RARB: variants seen among roughly 807,000 people sequenced by gnomAD.
RARB encodes retinoic acid receptor beta, also known as HBV-activated protein.
In RARB, 17 loss-of-function variants were observed where a neutral mutation model predicts 51.9. The observed-to-expected ratio is 0.33, with a 90% CI of 0.22 to 0.49. The LOEUF (loss-of-function observed/expected upper bound fraction) is 0.49, where lower values mean the gene tolerates loss of function less well. RARB is among the 20% of genes least tolerant of loss of function. RARB has a pLI of 0.99. For synonymous variants in RARB, 215 were observed against 195.4 expected (o/e 1.10, Z -0.84); for missense variants, 369 against 550.8 (o/e 0.67, Z 3.30).
chr3:25,090,711 G>C (rs1250417047), intron 3 of RARB, among the ~76,000 whole-genome samples: 1 of 152,016 alleles, frequency 6.6e-6, no homozygotes, highest in African/African-American at 2.4e-5. Flanking sequence ...TGGTACTAAG[G>C]AGACAAAAAT....
intron 3 of RARB, among the ~76,000 whole-genome samples, chr3:25,531,232 C>G (rs759840146): frequency 6.6e-6 from 1 of 152,036 alleles, no homozygotes; most frequent in Non-Finnish European, 1.5e-5. Context: ...AACTTCATTC[C>G]GAAGACCTGT....
intron 5 of RARB, among the ~76,000 whole-genome samples, chr3:25,244,607 T>A: frequency 6.6e-6 from 1 of 152,232 alleles, no homozygotes; most frequent in Non-Finnish European, 1.5e-5. Flanking sequence ...TCAGTTTTCA[T>A]GTGGTTGTGA....
intron 5 of RARB, among the ~76,000 whole-genome samples, chr3:25,315,650 G>T (rs780133594): frequency 3.3e-5 from 5 of 152,154 alleles, no homozygotes; most frequent in Non-Finnish European, 7.3e-5. Context: ...GTCTTGCTCT[G>T]TCGCCCAGGC....
intron 5 of RARB, among the ~76,000 whole-genome samples, chr3:25,205,720 A>T (rs1357671010): frequency 6.6e-6 from 1 of 152,034 alleles, no homozygotes; most frequent in Non-Finnish European, 1.5e-5. Flanking sequence ...CCATAAAAAT[A>T]AAAAATAAAA....
chr3:25,064,992 G>A (rs1344564738), intron 3 of RARB, among the ~76,000 whole-genome samples: 4 of 152,182 alleles, frequency 2.6e-5, no homozygotes, highest in African/African-American at 9.7e-5. Context: ...AGGAGTTCGT[G>A]CATAGGAGTA....
chr3:24,853,810 G>A (rs942662221), intron 1 of RARB, among the ~76,000 whole-genome samples: 1 of 152,168 alleles, frequency 6.6e-6, no homozygotes, highest in African/African-American at 2.4e-5. Flanking sequence ...CAGGATAAAA[G>A]GAATTGAATT....
rs896021302 is a variant in RARB, at chr3:24,958,257, T to G, written c.-380+99505T>G. On this transcript the variant is annotated intron_variant, in intron 2 of 11. Coordinates refer to the RARB transcript ENST00000383772. The stretch of plus-strand genomic sequence containing the variant: ...CTGAAGCTTCCTGAGCTGCTCAGGT[T>G]TTTTTTTTTTTTTTTTTTTTTTTTT... 5.1e-3 allele frequency among the ~76,000 whole-genome samples: 324 copies of G among 63,078 alleles called. 3 individuals carry two copies. The highest frequency in any genetic ancestry group is 0.039 in the African/African-American group (311 of 8,054). The allele number at this position is 63,078 out of a possible 152,430, so 41.4% of individuals were successfully genotyped here. A position where few individuals can be genotyped will look rare whatever the true frequency, so the allele number is the denominator to read the frequency against.
chr3:25,543,292 C>T (rs1207911077), intron 3 of RARB, among the ~76,000 whole-genome samples: 2 of 152,140 alleles, frequency 1.3e-5, no homozygotes, highest in African/African-American at 4.8e-5. Context: ...TGAGTAGGAG[C>T]TGGCTGCTAA....
intron 5 of RARB, among the ~76,000 whole-genome samples, chr3:25,269,930 G>C (rs964306717): frequency 1.1e-4 from 17 of 152,188 alleles, no homozygotes; most frequent in East Asian, 9.7e-4. Flanking sequence ...TAACAATTAG[G>C]GAAAGGCAAA....
intron 2 of RARB, among the ~76,000 whole-genome samples, chr3:25,017,029 C>G (rs1325707627): frequency 6.6e-6 from 1 of 152,100 alleles, no homozygotes; most frequent in Non-Finnish European, 1.5e-5. Flanking sequence ...ACAAATGAGT[C>G]ACCAAAGTCA....
intron 2 of RARB, among the ~76,000 whole-genome samples, chr3:25,015,880 TA>T (rs1697498039): frequency 6.6e-6 from 1 of 152,216 alleles, no homozygotes; most frequent in Non-Finnish European, 1.5e-5. Flanking sequence ...TCTACATAAA[TA>T]AATCAAGTCA....
At chr3:25,229,600 A>T (rs1167271725) in intron 5 of RARB, among the ~76,000 whole-genome samples, 1 of 152,160 alleles carries the variant, frequency 6.6e-6, no homozygotes, top group Non-Finnish European at 1.5e-5. Flanking sequence ...TCTATCAAAG[A>T]TAAAATGATG....
chr3:25,373,980 A>G (rs1439964441), intron 5 of RARB, among the ~76,000 whole-genome samples: 1 of 152,198 alleles, frequency 6.6e-6, no homozygotes, highest in African/African-American at 2.4e-5. Flanking sequence ...AAAAAGCAAA[A>G]TAAAATGAGG....
intron 5 of RARB, among the ~76,000 whole-genome samples, chr3:25,258,719 C>G (rs1702927089): frequency 1.3e-5 from 2 of 152,090 alleles, no homozygotes; most frequent in Non-Finnish European, 2.9e-5. Flanking sequence ...GCTGCATCTC[C>G]TGGCTTCTGG....
chr3:25,293,960 C>G (rs1703854316), intron 5 of RARB, among the ~76,000 whole-genome samples: 1 of 152,152 alleles, frequency 6.6e-6, no homozygotes, highest in African/African-American at 2.4e-5. Flanking sequence ...CTCATTTGTT[C>G]TAAGGGCTTT....
intron 2 of RARB, among the ~76,000 whole-genome samples, chr3:24,888,141 A>G (rs1033021940): frequency 1.3e-5 from 2 of 152,230 alleles, no homozygotes; most frequent in African/African-American, 4.8e-5. Context: ...AAATAGCCAG[A>G]TACAGCCCTT....
chr3:25,173,974 A>C (rs930475756), intron 4 of RARB: 1 of 154,576 alleles, frequency 6.5e-6, no homozygotes, highest in African/African-American at 2.4e-5. Context: ...GAGAAAAGAA[A>C]ATTAACACTC....
chr3:24,853,103 G>A (rs1702582855), intron 1 of RARB, among the ~76,000 whole-genome samples: 1 of 151,712 alleles, frequency 6.6e-6, no homozygotes, highest in South Asian at 2.1e-4. Flanking sequence ...TCATGAGGTC[G>A]GGGGATTGAG....
intron 2 of RARB, among the ~76,000 whole-genome samples, chr3:24,948,334 G>A (rs1399599309): frequency 1.3e-5 from 2 of 152,148 alleles, no homozygotes; most frequent in Non-Finnish European, 2.9e-5. Context: ...CTGGATTCAA[G>A]TTCTAGAACC....
Sources: gnomAD v4.1 joint callset for allele counts (sites outside exome capture counted in the v4.1 genomes callset) on GRCh38, gnomAD v4.1.1 for gene constraint, MANE v1.5 for transcripts, NCBI Gene and HGNC (gene_info 2026-07-23, HGNC 2026-07-21) for gene names.